MTBP: variants seen among roughly 807,000 people sequenced by gnomAD.
MTBP encodes the protein MDM2 binding protein.
Under a neutral mutation model 117.0 loss-of-function variants are expected in MTBP, and 101 were observed. The observed-to-expected ratio is 0.86, with a 90% CI of 0.73 to 1.02. The LOEUF (loss-of-function observed/expected upper bound fraction) is 1.02, where lower values mean the gene tolerates loss of function less well. Among genes scored for constraint, MTBP ranks in the 50% least tolerant of loss-of-function variants. The pLI is 0.00. For synonymous variants in MTBP, 350 were observed against 351.5 expected, an observed-to-expected ratio of 1.00 and a Z score of 0.05; for missense variants, 970 against 1,030.9, an observed-to-expected ratio of 0.94 and a Z score of 0.81.
intron 13 of MTBP, among the ~76,000 whole-genome samples, chr8:120,494,033 TGTTA>T (rs1814403482): frequency 6.6e-6 from 1 of 152,176 alleles, no homozygotes; most frequent in Non-Finnish European, 1.5e-5. Flanking sequence ...GTGGAAGGAA[TGTTA>T]GTTATCTTGG....
In MTBP at chr8:120,445,522, G is replaced by A; in HGVS notation, c.52G>A (p.Ala18Thr). The change falls in exon 1 of 22, where the codon GCG becomes ACG. Residue 18 changes from alanine to threonine, a missense_variant. Physicochemically the swap from Ala to Thr is moderately conservative, Grantham distance 58. Coordinates refer to ENST00000305949, the MANE Select transcript of MTBP (RefSeq NM_022045.5). ...VIWGEGKFPS[A>T]ASREAEHGPE... ...CTGGGGGGAAGGAAAATTCCCGTCGGCGGCCAGTAGGGAGGCAGAACATGG... is the reference window on the plus strand; with the variant it reads ...CTGGGGGGAAGGAAAATTCCCGTCGACGGCCAGTAGGGAGGCAGAACATGG... The A allele has an allele frequency of 1.2e-6, 2 of 1,613,724 alleles. No individual in the cohort carries two copies. Among genetic ancestry groups the A allele is most frequent in the Non-Finnish European group, 1.7e-6 (2 of 1,179,836 alleles).
intron 11 of MTBP, 78 bp from the exon 12 acceptor site, chr8:120,488,081 C>A: frequency 8.3e-7 from 1 of 1,199,546 alleles, no homozygotes; most frequent in Non-Finnish European, 1.1e-6. Context: ...TTATTATATC[C>A]TATGGATCAA....
At position 120,516,155 on chromosome 8, in the gene MTBP, G is replaced by T. The variant is rs373502291; in HGVS notation, c.2210G>T (p.Arg737Ile). Reference protein sequence around the residue: ...LRTEVSRLKRRSKDLNCLYPR... With the variant: ...LRTEVSRLKRISKDLNCLYPR... ...ACTGAAGTATCCCGATTGAAACGGAGATCTAAAGATCTGAATTGCCTTTAT... is the reference window on the plus strand; with the variant it reads ...ACTGAAGTATCCCGATTGAAACGGATATCTAAAGATCTGAATTGCCTTTAT... Residue 737 changes from arginine to isoleucine, a missense_variant, in exon 18 of 22, where the codon AGA (arginine) becomes ATA (isoleucine). By Grantham distance (97) the Arg-to-Ile change is moderately conservative. Coordinates refer to ENST00000305949, the MANE Select transcript of MTBP (RefSeq NM_022045.5). 1.2e-5 allele frequency: 20 copies of T among 1,612,028 alleles called. No individual in the cohort carries two copies. The African/African-American group carries it at 2.5e-4, about 20-fold the overall frequency.
At chr8:120,500,590 CATTTCACCACCT>C (rs1326293306) in intron 14 of MTBP, among the ~76,000 whole-genome samples, 1 of 152,102 alleles carries the variant, frequency 6.6e-6, no homozygotes, top group African/African-American at 2.4e-5. Context: ...TTTAAAATAG[CATTTCACCACCT>C]TTACTAAAAA....
chr8:120,496,500 A>G (rs1814461075), intron 13 of MTBP, among the ~76,000 whole-genome samples: 1 of 151,988 alleles, frequency 6.6e-6, no homozygotes, highest in Non-Finnish European at 1.5e-5. Context: ...CCCTAACTCC[A>G]CCCCTTGCTA....
Position 120,446,687 on chromosome 8 carries a change from AG to A in MTBP, c.199+175del, listed in dbSNP as rs371564526. ...GAAAAATAAATTACCCCTTTCTTCT[AG>A]ATGCTTGAATATAGTAAAGTTATGA... On this transcript the variant is annotated intron_variant, in intron 2 of 21. Transcript: ENST00000305949. Among the ~76,000 whole-genome samples, 111 of 152,292 alleles carry A rather than the reference AG, an allele frequency of 7.3e-4. 1 individual carries two copies. Among genetic ancestry groups the A allele is most frequent in the African/African-American group, 2.6e-3 (106 of 41,564 alleles).
chr8:120,448,212 G>A (rs1813267273), intron 2 of MTBP, among the ~76,000 whole-genome samples: 2 of 152,168 alleles, frequency 1.3e-5, no homozygotes, highest in Non-Finnish European at 2.9e-5. Context: ...GATTACAGAT[G>A]TGAGCCACTG....
intron 10 of MTBP, among the ~76,000 whole-genome samples, chr8:120,468,703 C>A (rs1325051677): frequency 6.6e-6 from 1 of 152,100 alleles, no homozygotes; most frequent in Non-Finnish European, 1.5e-5. Flanking sequence ...ACAGGTGTTG[C>A]AGTTTTTGGT....
intron 10 of MTBP, among the ~76,000 whole-genome samples, chr8:120,466,297 C>T (rs946062165): frequency 2.4e-4 from 36 of 149,476 alleles, no homozygotes; most frequent in Admixed American, 4.7e-4. Context: ...CTGCAACCTC[C>T]GTCTCCCGGG....
intron 11 of MTBP, among the ~76,000 whole-genome samples, chr8:120,478,118 C>T (rs1301130262): frequency 6.6e-6 from 1 of 152,132 alleles, no homozygotes; most frequent in East Asian, 1.9e-4. Context: ...ATGGATGAAG[C>T]TGGAAACCGT....
At chr8:120,502,463 C>T (rs771643017) in intron 14 of MTBP, 29 bp from the exon 15 acceptor site, 1 of 1,432,470 alleles carries the variant, frequency 7.0e-7, no homozygotes, top group Admixed American at 2.0e-5. Context: ...TAATACTTTT[C>T]AGACTTATGT....
chr8:120,446,003 G>T (rs1813217960), intron 1 of MTBP, among the ~76,000 whole-genome samples: 1 of 152,098 alleles, frequency 6.6e-6, no homozygotes, highest in African/African-American at 2.4e-5. Flanking sequence ...TATAACCTAA[G>T]TTTTAAAAAC....
intron 14 of MTBP, among the ~76,000 whole-genome samples, chr8:120,499,850 CTG>C (rs1814544756): frequency 6.6e-6 from 1 of 152,180 alleles, no homozygotes; most frequent in Non-Finnish European, 1.5e-5. Context: ...ACTACAATAA[CTG>C]TCTCCTTTGC....
intron 14 of MTBP, among the ~76,000 whole-genome samples, chr8:120,501,975 T>C (rs1462633081): frequency 6.6e-6 from 1 of 152,218 alleles, no homozygotes; most frequent in Non-Finnish European, 1.5e-5. Context: ...TGAAGGTGTG[T>C]ATGTTTAACC....
At chr8:120,513,674 G>A (rs898074216) in intron 17 of MTBP, among the ~76,000 whole-genome samples, 7 of 151,886 alleles carry the variant, frequency 4.6e-5, no homozygotes, top group African/African-American at 1.7e-4. Context: ...AAATCTTAAG[G>A]TAGAAAGAAA....
At chr8:120,499,112 A>G (rs1354123643) in intron 14 of MTBP, among the ~76,000 whole-genome samples, 2 of 152,154 alleles carry the variant, frequency 1.3e-5, no homozygotes, top group East Asian at 3.9e-4. Flanking sequence ...ATCATCCTTC[A>G]TATGGTTTGT....
chr8:120,520,505 A>G (rs1007823099), intron 20 of MTBP, among the ~76,000 whole-genome samples: 2 of 152,164 alleles, frequency 1.3e-5, no homozygotes, highest in South Asian at 2.1e-4. Flanking sequence ...TAGAAGAGAG[A>G]AACTTGTTCA....
chr8:120,515,350 GC>G (rs1460018291), intron 17 of MTBP, among the ~76,000 whole-genome samples: 3 of 151,992 alleles, frequency 2.0e-5, no homozygotes, highest in African/African-American at 7.2e-5. Flanking sequence ...TTTCATTGAT[GC>G]CCTGAATCAG....
In MTBP at chr8:120,446,437, C is replaced by A; in HGVS notation, c.123C>A (p.Phe41Leu). Reference protein sequence around the residue: ...SGEGTENQPDFTAANVYHLLK... With the variant: ...SGEGTENQPDLTAANVYHLLK... Reference sequence around the variant, plus strand: ...AGTCTATCTTTTCTTTTTCAGACTTCACAGCAGCAAATGTTTATCACCTCT... The same window carrying A: ...AGTCTATCTTTTCTTTTTCAGACTTAACAGCAGCAAATGTTTATCACCTCT... The change falls in exon 2 of 22, where the codon TTC becomes TTA. Residue 41 changes from phenylalanine to leucine, a missense_variant. By Grantham distance (22) the Phe-to-Leu change is conservative. Transcript: ENST00000305949. 1 of 1,602,758 alleles carries A rather than the reference C, an allele frequency of 6.2e-7. No homozygotes were observed. Among genetic ancestry groups the A allele is most frequent in the Non-Finnish European group, 8.5e-7 (1 of 1,170,046 alleles).
Sources: allele counts gnomAD v4.1 joint callset (sites outside exome capture counted in the v4.1 genomes callset), GRCh38; gene constraint gnomAD v4.1.1; transcripts MANE v1.5; gene names NCBI Gene and HGNC (gene_info 2026-07-23, HGNC 2026-07-21).